MTAP: variants seen among roughly 807,000 people sequenced by gnomAD.
The protein encoded by MTAP is methylthioadenosine phosphorylase.
In MTAP, 33 loss-of-function variants were observed where a neutral mutation model predicts 33.6. That is an observed-to-expected ratio of 0.98 (90% CI 0.74 to 1.31). MTAP has a LOEUF of 1.31. Ranked by LOEUF, MTAP falls within the 40% of genes most tolerant of loss-of-function variation. The pLI is 0.00. For synonymous variants in MTAP, 148 were observed against 125.7 expected (o/e 1.18, Z -1.19); for missense variants, 367 against 360.0 (o/e 1.02, Z -0.16).
At chr9:21,844,806 G>A (rs559121257) in intron 5 of MTAP, among the ~76,000 whole-genome samples, 11 of 152,234 alleles carry the variant, frequency 7.2e-5, no homozygotes, top group East Asian at 5.8e-4. Context: ...AGGCCAAGGC[G>A]GGCGGATCAC....
intron 1 of MTAP, among the ~76,000 whole-genome samples, chr9:21,900,836 A>G (rs760290025): frequency 1.3e-5 from 2 of 152,262 alleles, no homozygotes; most frequent in Non-Finnish European, 2.9e-5. Context: ...CTATGCAGCC[A>G]TGAGAAAGAA....
At chr9:21,848,205 C>T (rs1825427541) in intron 5 of MTAP, among the ~76,000 whole-genome samples, 1 of 152,128 alleles carries the variant, frequency 6.6e-6, no homozygotes, top group Admixed American at 6.6e-5. Context: ...CCCTAAGACT[C>T]CCATTTGCTT....
At chr9:21,821,055 G>A (rs1824623419) in intron 4 of MTAP, among the ~76,000 whole-genome samples, 2 of 152,136 alleles carry the variant, frequency 1.3e-5, no homozygotes, top group African/African-American at 4.8e-5. Context: ...TAAATATACA[G>A]TCATGTCATC....
intron 1 of MTAP, among the ~76,000 whole-genome samples, chr9:21,886,246 A>T (rs563255442): frequency 1.3e-4 from 20 of 151,210 alleles, no homozygotes; most frequent in Non-Finnish European, 2.5e-4. Context: ...GGCCATTTGT[A>T]TATCTTGTTT....
intron 1 of MTAP, among the ~76,000 whole-genome samples, chr9:21,807,746 C>CT (rs952077832): frequency 6.6e-6 from 1 of 152,060 alleles, no homozygotes. Flanking sequence ...GAAATAAGGG[C>CT]TTTTTTTGTT....
At chr9:21,939,210 C>T (rs1012838089), downstream of MTAP, among the ~76,000 whole-genome samples, 8 of 152,334 alleles carry the variant, frequency 5.3e-5, no homozygotes, top group South Asian at 2.1e-4. Context: ...TCCCCAGCCA[C>T]GTGGAACTGT....
At chr9:21,905,030 C>T (rs1399201609) in intron 1 of MTAP, among the ~76,000 whole-genome samples, 2 of 152,156 alleles carry the variant, frequency 1.3e-5, no homozygotes, top group Non-Finnish European at 2.9e-5. Context: ...TTGTTTACAG[C>T]TCCTAAAGCC....
At chr9:21,893,926 T>TACACACACACAC (rs57749079) in intron 1 of MTAP, 21 of 147,166 alleles carry the variant, frequency 1.4e-4, no homozygotes, top group East Asian at 4.0e-4. Flanking sequence ...ATCATTCTGA[T>TACACACACACAC]ACACACACAC....
In MTAP at chr9:21,866,942, C is replaced by A. The variant is rs1372574761; in HGVS notation, c.*4928C>A. The A allele has an allele frequency of 1.3e-5, 2 of 151,906 alleles. No homozygotes were observed. Among genetic ancestry groups the A allele is most frequent in the East Asian group, 3.9e-4 (2 of 5,188 alleles). The allele number at this position is 151,906 out of a possible 1,614,324, so 9.4% of individuals were successfully genotyped here. On this transcript the variant is annotated 3_prime_UTR_variant, in exon 8 of 8. Coordinates refer to ENST00000644715, the MANE Select transcript of MTAP (RefSeq NM_002451.4). Reference sequence around the variant, plus strand: ...GTATATATCTTTTGTTAAATGTATTCCTAAATATTTTGTGGAAATGTTACT... The same window carrying A: ...GTATATATCTTTTGTTAAATGTATTACTAAATATTTTGTGGAAATGTTACT...
downstream of MTAP, chr9:21,932,200 A>G (rs947711868): frequency 6.6e-6 from 1 of 152,218 alleles, no homozygotes; most frequent in Non-Finnish European, 1.5e-5. Flanking sequence ...GCCAAACCCC[A>G]TCTTGCCTTT....
chr9:21,922,481 A>G lies in MTAP; in HGVS notation c.148-8527A>G, dbSNP rs190309690. ...TTTAATAAACTCTTACTTCTGCTCA[A>G]AAACTTGCCTTGGTCTCTCACTCTC... is the stretch of plus-strand genomic sequence containing the variant. On this transcript the variant is annotated intron_variant, in intron 1 of 1. Transcript: ENST00000577563. This position sits in a 1 kb window ranked among gnomAD's most constrained non-coding sequence, Gnocchi z 4.8. 6.6e-6 allele frequency among the ~76,000 whole-genome samples: 1 copy of G among 152,116 alleles called. No individual in the cohort carries two copies. The highest frequency in any genetic ancestry group is 6.5e-5 in the Admixed American group (1 of 15,272).
chr9:21,912,128 G>A (rs1818589280), intron 1 of MTAP, among the ~76,000 whole-genome samples: 1 of 152,162 alleles, frequency 6.6e-6, no homozygotes, highest in African/African-American at 2.4e-5. Context: ...CTGAAATTGA[G>A]GCAATAATTA....
At chr9:21,914,761 C>T (rs1818645245) in intron 1 of MTAP, among the ~76,000 whole-genome samples, 1 of 149,302 alleles carries the variant, frequency 6.7e-6, no homozygotes, top group Non-Finnish European at 1.5e-5. Context: ...TGCACATGTA[C>T]CCTGGAACTT....
Position 21,865,738 on chromosome 9 carries a change from G to A in MTAP, c.*3724G>A. On this transcript the variant is annotated 3_prime_UTR_variant, in exon 8 of 8. Coordinates refer to ENST00000644715, the MANE Select transcript of MTAP (RefSeq NM_002451.4). ...GCCAGCTATGCCTTTGAGAACCTCG[G>A]GATCCCAAAGAATGAGGGGAATTTC... The A allele has an allele frequency of 1.9e-6, 2 of 1,039,964 alleles. No homozygotes were observed. Among genetic ancestry groups the A allele is most frequent in the Non-Finnish European group, 2.3e-6 (2 of 858,022 alleles). 64.4% of individuals were successfully genotyped at this position (1,039,964 alleles called of 1,614,324 possible). A position where few individuals can be genotyped will look rare whatever the true frequency, so the allele number is the denominator to read the frequency against.
intron 1 of MTAP, among the ~76,000 whole-genome samples, chr9:21,885,064 C>G (rs982005957): frequency 6.6e-6 from 1 of 152,046 alleles, no homozygotes; most frequent in Admixed American, 6.6e-5. Flanking sequence ...GATAGTTAAG[C>G]TGATGTTTGC....
At chr9:21,924,726 T>C (rs35437920) in intron 1 of MTAP, among the ~76,000 whole-genome samples, 4,740 of 152,306 alleles carry the variant, frequency 0.031, 118 homozygotes, top group Non-Finnish European at 0.047. Flanking sequence ...CCCTGGAGCC[T>C]TCCCTTCCCT....
At chr9:21,818,226 T>C in intron 4 of MTAP, 24 bp downstream of exon 4, 1 of 1,609,116 alleles carries the variant, frequency 6.2e-7, no homozygotes, top group Non-Finnish European at 8.5e-7. Flanking sequence ...CAAAATGCTT[T>C]AGGCTATTGT....
At chr9:21,898,181 G>T (rs982417372) in intron 1 of MTAP, among the ~76,000 whole-genome samples, 6 of 152,330 alleles carry the variant, frequency 3.9e-5, no homozygotes, top group African/African-American at 1.4e-4. Flanking sequence ...CTAGCCATAT[G>T]TAGAAAGCTG....
intron 1 of MTAP, among the ~76,000 whole-genome samples, chr9:21,890,978 C>T (rs1818192456): frequency 6.6e-6 from 1 of 152,104 alleles, no homozygotes; most frequent in East Asian, 1.9e-4. Context: ...CCACGATTTT[C>T]CCCAATATTT....
Sources: allele counts gnomAD v4.1 joint callset (sites outside exome capture counted in the v4.1 genomes callset), GRCh38; gene constraint gnomAD v4.1.1; non-coding constraint Gnocchi (gnomAD v3.1); transcripts MANE v1.5; gene names NCBI Gene and HGNC (gene_info 2026-07-23, HGNC 2026-07-21).